The following PI4KA variants were observed in gnomAD, a reference collection of about 807,000 sequenced individuals.
PI4KA encodes phosphatidylinositol 4-kinase alpha.
Under a neutral mutation model 271.4 loss-of-function variants are expected in PI4KA, and 122 were observed. The observed-to-expected ratio is 0.45, with a 90% CI of 0.39 to 0.52. The LOEUF (loss-of-function observed/expected upper bound fraction) is 0.52, where lower values mean the gene tolerates loss of function less well. PI4KA is among the 20% of genes least tolerant of loss of function. The pLI is 0.00. For synonymous variants in PI4KA, 1,041 were observed against 1,078.8 expected (o/e 0.96, Z 0.69); for missense variants, 1,969 against 2,769.1 (o/e 0.71, Z 6.48).
rs1927347763 is a variant in PI4KA, at chr22:20,726,367, G to C, written c.4995+121C>G. 1.3e-5 allele frequency: 10 copies of C among 768,272 alleles called. No individual in the cohort carries two copies. The East Asian group carries it at 3.3e-4, about 26-fold the overall frequency. The allele number at this position is 768,272 out of a possible 1,614,324, so 47.6% of individuals were successfully genotyped here. ...GGGTAGGGGGAGCAAGGGGACTGCT[G>C]GGCAGCCCTGCCCCTGAGGAGGCTC... On this transcript the variant is annotated intron_variant, in intron 42 of 54. Transcript: ENST00000255882.
At chr22:20,833,600 A>G (rs1056321331) in intron 3 of PI4KA, among the ~76,000 whole-genome samples, 1 of 151,676 alleles carries the variant, frequency 6.6e-6, no homozygotes, top group African/African-American at 2.4e-5. Context: ...TGAGAACAGC[A>G]AAACCCATCT....
In PI4KA at chr22:20,807,979, G is replaced by T. The variant is rs1339014791; in HGVS notation, c.1072-521C>A. Among the ~76,000 whole-genome samples, 4 of 152,180 alleles carry T rather than the reference G, an allele frequency of 2.6e-5. No homozygotes were observed. The East Asian group carries it at 7.7e-4, about 29-fold the overall frequency. On this transcript the variant is annotated intron_variant, in intron 9 of 54. Transcript: ENST00000255882. ...AAAAAAAAAAAAAAATTCACACAAG[G>T]TCTAATGAGTTAAGAAAGATAATAG...
intron 14 of PI4KA, 58 bp downstream of exon 14, chr22:20,801,915 G>T: frequency 6.3e-7 from 1 of 1,582,712 alleles, no homozygotes; most frequent in Non-Finnish European, 8.6e-7. Context: ...CTCTTATTTT[G>T]TAATAACCCG....
At chr22:20,854,902 G>A (rs769589720) in intron 1 of PI4KA, among the ~76,000 whole-genome samples, 2 of 152,038 alleles carry the variant, frequency 1.3e-5, no homozygotes, top group Non-Finnish European at 2.9e-5. Flanking sequence ...CTGCAATCCT[G>A]GCACTTTGGG....
intron 19 of PI4KA, among the ~76,000 whole-genome samples, chr22:20,791,455 T>C (rs1934640394): frequency 6.6e-6 from 1 of 152,000 alleles, no homozygotes; most frequent in African/African-American, 2.4e-5. Flanking sequence ...AATTTCTGTT[T>C]TGAAAAATCA....
intron 1 of PI4KA, among the ~76,000 whole-genome samples, chr22:20,840,114 T>C (rs1179652983): frequency 6.6e-6 from 1 of 152,178 alleles, no homozygotes; most frequent in Non-Finnish European, 1.5e-5. Context: ...ACCTGGCAGA[T>C]GAAACTAATG....
At position 20,834,547 on chromosome 22, in the gene PI4KA, A is replaced by G. The variant is rs1924614373; in HGVS notation, c.367+15T>C. 6.1e-6 allele frequency: 9 copies of G among 1,468,998 alleles called. No homozygotes were observed. The highest frequency in any genetic ancestry group is 8.6e-6 in the Non-Finnish European group (9 of 1,048,058). 91.0% of individuals were successfully genotyped at this position (1,468,998 alleles called of 1,614,324 possible). A position where few individuals can be genotyped will look rare whatever the true frequency, so the allele number is the denominator to read the frequency against. On this transcript the variant is annotated intron_variant, in intron 3 of 54. Coordinates refer to ENST00000255882, the MANE Select transcript of PI4KA (RefSeq NM_058004.4). ...ATTTTCTCTTATATTCAGGGAAAAC[A>G]TTATATACAATTACCTCTGCCTTTC...
chr22:20,750,076 T>C (rs1930506542), intron 27 of PI4KA, 82 bp from the exon 28 acceptor site: 3 of 881,492 alleles, frequency 3.4e-6, no homozygotes, highest in African/African-American at 3.3e-5. Context: ...GGCTGAACTA[T>C]GTCTCCCCAA....
At chr22:20,714,976 T>TCA (rs1925793336) in intron 45 of PI4KA, among the ~76,000 whole-genome samples, 1 of 152,120 alleles carries the variant, frequency 6.6e-6, no homozygotes, top group South Asian at 2.1e-4. Context: ...AGCCCCATCC[T>TCA]CACGGATACA....
intron 47 of PI4KA, among the ~76,000 whole-genome samples, chr22:20,713,928 A>G (rs1235629876): frequency 6.6e-6 from 1 of 152,252 alleles, no homozygotes; most frequent in East Asian, 1.9e-4. Context: ...GGTTAAGACA[A>G]GGTCACAGTG....
At chr22:20,784,052 T>C (rs1173059565) in intron 19 of PI4KA, 4 of 1,614,016 alleles carry the variant, frequency 2.5e-6, no homozygotes, top group Non-Finnish European at 3.4e-6. Context: ...AGTTAAGGTT[T>C]CCATGATGCA....
chr22:20,854,401 G>C (rs1016508771), intron 1 of PI4KA, among the ~76,000 whole-genome samples: 2 of 152,146 alleles, frequency 1.3e-5, no homozygotes, highest in African/African-American at 2.4e-5. Context: ...GATTACAGGC[G>C]TGAGTCACTG....
intron 19 of PI4KA, among the ~76,000 whole-genome samples, chr22:20,767,305 G>A (rs1932623266): frequency 6.6e-6 from 1 of 152,034 alleles, no homozygotes; most frequent in African/African-American, 2.4e-5. Flanking sequence ...TTAGCCGGGC[G>A]TGGTGGCAGG....
chr22:20,795,879 G>A (rs554060585), intron 18 of PI4KA, among the ~76,000 whole-genome samples: 17 of 152,168 alleles, frequency 1.1e-4, no homozygotes, highest in Non-Finnish European at 2.5e-4. Context: ...GGGGAGCTGA[G>A]GCTAGACTGT....
chr22:20,834,451 G>T, intron 3 of PI4KA, 111 bp downstream of exon 3: 1 of 739,308 alleles, frequency 1.4e-6, no homozygotes, highest in Non-Finnish European at 2.4e-6. Context: ...TTCCCAGCCA[G>T]GAGGGAGACA....
At chr22:20,725,913 TAA>T (rs573929949) in intron 42 of PI4KA, 43 of 127,720 alleles carry the variant, frequency 3.4e-4, no homozygotes, top group Non-Finnish European at 3.7e-4. Flanking sequence ...CCCTGTCTCT[TAA>T]AAAAAAAAAA....
chr22:20,770,198 G>GT (rs57342421), intron 19 of PI4KA, among the ~76,000 whole-genome samples: 4,734 of 143,056 alleles, frequency 0.033, 194 homozygotes, highest in African/African-American at 0.1. Flanking sequence ...TCATGGCCCA[G>GT]TTTTTTTTTT....
At chr22:20,854,867 CTT>C (rs1434953743) in intron 1 of PI4KA, among the ~76,000 whole-genome samples, 1 of 152,036 alleles carries the variant, frequency 6.6e-6, no homozygotes, top group African/African-American at 2.4e-5. Context: ...GAACAAGAAA[CTT>C]GGCCGGGCGT....
rs868642974 is a variant in PI4KA, at chr22:20,707,841, A to G, written c.*206T>C. 4.8e-5 allele frequency: 32 copies of G among 667,688 alleles called. No homozygotes were observed. The Middle Eastern group carries it at 4.2e-3, about 88-fold the overall frequency. The allele number at this position is 667,688 out of a possible 1,614,324, so 41.4% of individuals were successfully genotyped here. ...AGAGGACTCACACCTGTGCATAGAC[A>G]GCACCATCCATTGATTGTCGCTGCA... On this transcript the variant is annotated 3_prime_UTR_variant, in exon 55 of 55. Transcript: ENST00000255882.
Sources: gnomAD v4.1 joint callset for allele counts (sites outside exome capture counted in the v4.1 genomes callset) on GRCh38, gnomAD v4.1.1 for gene constraint, MANE v1.5 for transcripts, NCBI Gene and HGNC (gene_info 2026-07-23, HGNC 2026-07-21) for gene names.